NPDC1: variants seen among roughly 807,000 people sequenced by gnomAD.
The protein encoded by NPDC1 is neural proliferation, differentiation and control 1.
Under a neutral mutation model 32.5 loss-of-function variants are expected in NPDC1, and 18 were observed. The ratio of observed to expected loss-of-function variants is 0.55; its 90% CI spans 0.38 to 0.82. The LOEUF is 0.82. Among genes scored for constraint, NPDC1 ranks in the 40% least tolerant of loss-of-function variants. The probability of loss-of-function intolerance (pLI) is 0.00; values close to 1 mark genes in which losing one functional copy is unlikely to be tolerated. For synonymous variants in NPDC1, 210 were observed against 184.7 expected, an observed-to-expected ratio of 1.14 and a Z score of -1.11; for missense variants, 468 against 406.6, an observed-to-expected ratio of 1.15 and a Z score of -1.30.
rs1285154253 is a variant in NPDC1, at chr9:137,045,935, G to A, written c.55C>T (p.Leu19=). 3.8e-5 allele frequency: 45 copies of A among 1,183,404 alleles called. No homozygotes were observed. The highest frequency in any genetic ancestry group is 4.6e-5 in the Non-Finnish European group (44 of 957,024). The allele number at this position is 1,183,404 out of a possible 1,614,324, so 73.3% of individuals were successfully genotyped here. A position where few individuals can be genotyped will look rare whatever the true frequency, so the allele number is the denominator to read the frequency against. ...GCGCCGAGGACGAGGCCGGAGAGCA[G>A]CAGCCGCAGCAGCCGCAGGTGCCGC... is the stretch of plus-strand genomic sequence containing the variant. ...SPRHLRLLRL[L]LSGLVLGAAL... The change falls in exon 1 of 9, where the codon CTG becomes TTG. Residue 19 remains leucine, a synonymous_variant. Transcript: ENST00000371601.
At chr9:137,041,412 C>G (rs772619317) in intron 2 of NPDC1, among the ~76,000 whole-genome samples, 7 of 152,150 alleles carry the variant, frequency 4.6e-5, no homozygotes, top group Non-Finnish European at 8.8e-5. Context: ...GCTAGGGAAA[C>G]GTCCAAAGAC....
rs1417502645 is a variant in NPDC1, at chr9:137,040,383, T to C, written c.762A>G (p.Gln254=). 4 of 1,546,714 alleles carry C rather than the reference T, an allele frequency of 2.6e-6. 1 individual carries two copies. The Admixed American group carries it at 5.9e-5, about 23-fold the overall frequency. Reference sequence around the variant, plus strand: ...GCTCCAGGCACAGCATCTGTTGCCGTTGGTGCTGGTAGTGGTACATCTCCG... The same window carrying C: ...GCTCCAGGCACAGCATCTGTTGCCGCTGGTGCTGGTAGTGGTACATCTCCG... ...QSAEMYHYQH[Q]RQQMLCLERH... The change falls in exon 7 of 9, where the codon CAA becomes CAG. Residue 254 remains glutamine, a synonymous_variant. Coordinates refer to ENST00000371601, the MANE Select transcript of NPDC1 (RefSeq NM_015392.4).
Position 137,041,004 on chromosome 9 carries a change from A to G in NPDC1, c.386-20T>C. 1 of 1,527,280 alleles carries G rather than the reference A, an allele frequency of 6.5e-7. No homozygotes were observed. 94.6% of individuals were successfully genotyped at this position (1,527,280 alleles called of 1,614,324 possible). A position where few individuals can be genotyped will look rare whatever the true frequency, so the allele number is the denominator to read the frequency against. ...GGGTGGCTGCGAGAGAGGACAGGTT[A>G]GAATGAGAGCACTGGGCTAGGGACA... On this transcript the variant is annotated intron_variant, in intron 3 of 8. Transcript: ENST00000371601.
chr9:137,039,896 G>A (rs750800393), intron 8 of NPDC1, 32 bp from the exon 9 acceptor site: 16 of 779,158 alleles, frequency 2.1e-5, no homozygotes, highest in South Asian at 4.0e-5. Context: ...TGGGCAGTGG[G>A]TGGGCTGGGG....
At position 137,042,980 on chromosome 9, in the gene NPDC1, G is replaced by A. The variant is rs1314545649; in HGVS notation, c.206C>T (p.Pro69Leu). The A allele has an allele frequency of 1.2e-6, 2 of 1,612,744 alleles. No individual in the cohort carries two copies. The highest frequency in any genetic ancestry group is 3.3e-5 in the Admixed American group (2 of 59,994). The stretch of plus-strand genomic sequence containing the variant: ...GAGCCCTTGCTGGTCCTCCTGGAAG[G>A]GCTGAAGGCAGGGCCCACAGGCATG... ...GAHACGPCLQPFQEDQQGLCV... is the reference protein window; with the variant it reads ...GAHACGPCLQLFQEDQQGLCV... The change falls in exon 2 of 9, where the codon CCC (proline) becomes CTC (leucine). Residue 69 changes from proline (P) to leucine (L), a missense_variant. Physicochemically the swap from Pro to Leu is moderately conservative, Grantham distance 98. Transcript: ENST00000371601.
chr9:137,039,560 T>C lies in NPDC1; in HGVS notation c.*212A>G. 1 of 543,548 alleles carries C rather than the reference T, an allele frequency of 1.8e-6. No homozygotes were observed. Among genetic ancestry groups the C allele is most frequent in the Non-Finnish European group, 3.2e-6 (1 of 309,116 alleles). 33.7% of individuals were successfully genotyped at this position (543,548 alleles called of 1,614,324 possible). The stretch of plus-strand genomic sequence containing the variant: ...CTCCATGCCCCCTCCAGTTTGGGGG[T>C]CTAAACCGAACAGGAGAGGTGCAGG... On this transcript the variant is annotated 3_prime_UTR_variant, in exon 9 of 9. Transcript: ENST00000371601.
At chr9:137,045,263 G>A (rs1323444133) in intron 1 of NPDC1, among the ~76,000 whole-genome samples, 1 of 152,240 alleles carries the variant, frequency 6.6e-6, no homozygotes, top group East Asian at 1.9e-4. Flanking sequence ...TGCCCTCGAG[G>A]GCAGGGGATG....
At chr9:137,041,809 C>T (rs1832060434) in intron 2 of NPDC1, among the ~76,000 whole-genome samples, 1 of 152,246 alleles carries the variant, frequency 6.6e-6, no homozygotes, top group Admixed American at 6.5e-5. Flanking sequence ...TGAGCAAAGC[C>T]CTCACCACAC....
At chr9:137,042,464 A>G (rs769881696) in intron 2 of NPDC1, among the ~76,000 whole-genome samples, 4 of 151,082 alleles carry the variant, frequency 2.6e-5, no homozygotes, top group Non-Finnish European at 4.4e-5. Flanking sequence ...TCACCGTGTT[A>G]GCCAGGATGG....
chr9:137,045,817 C>A (rs1417346935), intron 1 of NPDC1, 61 bp downstream of exon 1: 3 of 969,504 alleles, frequency 3.1e-6, no homozygotes, highest in Middle Eastern at 5.2e-4. Context: ...GCAACCCGGT[C>A]CCCGCCCGGC....
chr9:137,042,498 G>C lies in NPDC1; in HGVS notation c.259+429C>G, dbSNP rs1588548659. 2.7e-5 allele frequency among the ~76,000 whole-genome samples: 4 copies of C among 150,206 alleles called. No homozygotes were observed. In the South Asian group the frequency reaches 8.4e-4, roughly 32 times the overall value. On this transcript the variant is annotated intron_variant, in intron 2 of 8. Coordinates refer to ENST00000371601, the MANE Select transcript of NPDC1 (RefSeq NM_015392.4). ...GGTCTCGATCTCCTGACCTTATGAT[G>C]TGCCCGCCTCGGCCTCCCAAAGTGC...
Position 137,040,550 on chromosome 9 carries a change from C to A in NPDC1, c.672G>T (p.Ala224=). ...GAGCTGCAGGTGAGCCAGGGGCCTT[C>A]GCAGTGGCGTAGTCGGCCTTCTGAG... ...RLTQKADYAT[A]KAPGSPAAPR... is the part of the protein sequence containing the mutation. The change falls in exon 6 of 9, where the codon GCG becomes GCT. Residue 224 remains alanine (A), a synonymous_variant. Coordinates refer to ENST00000371601, the MANE Select transcript of NPDC1 (RefSeq NM_015392.4). 3 of 1,587,706 alleles carry A rather than the reference C, an allele frequency of 1.9e-6. No individual in the cohort carries two copies. The highest frequency in any genetic ancestry group is 2.6e-6 in the Non-Finnish European group (3 of 1,172,866).
At position 137,039,822 on chromosome 9, in the gene NPDC1, C is replaced by A. The variant is rs780477037; in HGVS notation, c.928G>T (p.Ala310Ser). ...GGGGCCGGCAGGGGCGCGGACAGTGCGGCGTGGTCGAACAGAGGGTTGCGC... is the reference window on the plus strand; with the variant it reads ...GGGGCCGGCAGGGGCGCGGACAGTGAGGCGTGGTCGAACAGAGGGTTGCGC... Reference protein sequence around the residue: ...EVRNPLFDHAALSAPLPAPSS... With the variant: ...EVRNPLFDHASLSAPLPAPSS... Residue 310 changes from alanine to serine, a missense_variant, in exon 9 of 9, where the codon GCA (alanine) becomes TCA (serine). Coordinates refer to ENST00000371601, the MANE Select transcript of NPDC1 (RefSeq NM_015392.4). 1 of 778,960 alleles carries A rather than the reference C, an allele frequency of 1.3e-6. No individual in the cohort carries two copies. Among genetic ancestry groups the A allele is most frequent in the East Asian group, 2.4e-5 (1 of 41,228 alleles). 48.3% of individuals were successfully genotyped at this position (778,960 alleles called of 1,614,324 possible). A position where few individuals can be genotyped will look rare whatever the true frequency, so the allele number is the denominator to read the frequency against.
At chr9:137,041,306 G>GGCCCTCTCCCTCCCAGATT (rs1340902182) in intron 2 of NPDC1, 119 bp from the exon 3 acceptor site, 5 of 1,125,458 alleles carry the variant, frequency 4.4e-6, no homozygotes, top group Non-Finnish European at 5.7e-6. Context: ...CACGCCTGGA[G>GGCCCTCTCCCTCCCAGATT]GCCCTCTCCC....
chr9:137,045,754 G>T, intron 1 of NPDC1, 124 bp downstream of exon 1: 1 of 520,194 alleles, frequency 1.9e-6, no homozygotes, highest in Non-Finnish European at 2.5e-6. Context: ...GCCACCAGCG[G>T]ACCAGGCCTG....
chr9:137,043,182 G>GAACCAGGCCC, intron 1 of NPDC1, 109 bp from the exon 2 acceptor site: 1 of 1,221,060 alleles, frequency 8.2e-7, no homozygotes, highest in Non-Finnish European at 1.1e-6. Flanking sequence ...CGAGCTGGCC[G>GAACCAGGCCC]GGCCTGGTTC....
rs1227687349 is a variant in NPDC1 at position 137,042,930 on chromosome 9, G to T, written c.256C>A (p.Pro86Thr). The change falls in exon 2 of 9, where the codon CCA (proline) becomes ACA (threonine). Residue 86 changes from proline (P) to threonine (T), a missense_variant. Transcript: ENST00000371601. ...GLCVPRMRRP[P>T]GGGRPQPRLE... ...ACTTCCCCCTTTGCTCTCGTACCTG[G>T]AGGCCGGCGCATCCTGGGCACACAG... 1 of 1,594,160 alleles carries T rather than the reference G, an allele frequency of 6.3e-7. No homozygotes were observed. The highest frequency in any genetic ancestry group is 8.6e-7 in the Non-Finnish European group (1 of 1,168,112).
chr9:137,042,025 C>T (rs1386120155), intron 2 of NPDC1, among the ~76,000 whole-genome samples: 3 of 152,202 alleles, frequency 2.0e-5, no homozygotes, highest in East Asian at 1.9e-4. Flanking sequence ...AGCCCAGGCC[C>T]GGGGAGAATG....
At chr9:137,042,483 T>G (rs1383078154) in intron 2 of NPDC1, among the ~76,000 whole-genome samples, 2 of 151,716 alleles carry the variant, frequency 1.3e-5, no homozygotes, top group Non-Finnish European at 2.9e-5. Flanking sequence ...GGTCTCGATC[T>G]CCTGACCTTA....
Sources: gnomAD v4.1 joint callset for allele counts (sites outside exome capture counted in the v4.1 genomes callset) on GRCh38, gnomAD v4.1.1 for gene constraint, MANE v1.5 for transcripts, NCBI Gene and HGNC (gene_info 2026-07-23, HGNC 2026-07-21) for gene names.